PCDHA13: variants seen among roughly 807,000 people sequenced by gnomAD.
The protein encoded by PCDHA13 is protocadherin alpha 13.
In PCDHA13, 54 loss-of-function variants were observed where a neutral mutation model predicts 64.8. The ratio of observed to expected loss-of-function variants is 0.83; its 90% CI spans 0.67 to 1.04. The LOEUF (loss-of-function observed/expected upper bound fraction) is 1.04, where lower values mean the gene tolerates loss of function less well. Ranked by LOEUF, PCDHA13 falls within the 50% of genes least tolerant of loss-of-function variation. The pLI is 0.00. For synonymous variants in PCDHA13, 587 were observed against 564.4 expected (o/e 1.04, Z -0.57); for missense variants, 1,248 against 1,254.3 (o/e 0.99, Z 0.08).
chr5:140,940,774 G>T (rs1554213602), intron 1 of PCDHA13, among the ~76,000 whole-genome samples: 4 of 151,994 alleles, frequency 2.6e-5, no homozygotes, highest in African/African-American at 7.3e-5. Context: ...GACTTTTGAT[G>T]GTCCATATCC....
intron 1 of PCDHA13, chr5:140,966,271 T>C: frequency 2.8e-6 from 1 of 355,706 alleles, no homozygotes; most frequent in Non-Finnish European, 5.0e-6. Flanking sequence ...CTGGATGAAC[T>C]GGACAGTGGG....
At chr5:140,889,027 C>A (rs1004891593) in intron 1 of PCDHA13, among the ~76,000 whole-genome samples, 5 of 151,910 alleles carry the variant, frequency 3.3e-5, no homozygotes, top group African/African-American at 1.2e-4. Context: ...CCTTGGATAA[C>A]CGTAATTTGA....
chr5:140,884,173 C>T lies in PCDHA13; in HGVS notation c.1905C>T (p.Arg635=). The T allele has an allele frequency of 6.2e-7, 1 of 1,613,432 alleles. No individual in the cohort carries two copies. Among genetic ancestry groups the T allele is most frequent in the Non-Finnish European group, 8.5e-7 (1 of 1,179,736 alleles). The change falls in exon 1 of 4, where the codon CGC becomes CGT. Residue 635 remains arginine (R), a synonymous_variant. Coordinates refer to ENST00000289272, the MANE Select transcript of PCDHA13 (RefSeq NM_018904.3). ...GLYTGEISTT[R]PLDEVDAPHH... is the part of the protein sequence containing the mutation. ...ACACTGGCGAGATCAGCACGACGCGCCCTCTGGACGAGGTGGACGCGCCGC... is the reference window on the plus strand; with the variant it reads ...ACACTGGCGAGATCAGCACGACGCGTCCTCTGGACGAGGTGGACGCGCCGC...
Position 140,926,904 on chromosome 5 carries a change from T to G in PCDHA13, c.2394+42242T>G, listed in dbSNP as rs150445810. Reference sequence around the variant, plus strand: ...CGCCTAGAGGGAGGATGGTGGGCTGTGGGGTGGCAGTTTTATGTTTGTGGG... The same window carrying G: ...CGCCTAGAGGGAGGATGGTGGGCTGGGGGGTGGCAGTTTTATGTTTGTGGG... On this transcript the variant is annotated intron_variant, in intron 1 of 3. Transcript: ENST00000289272. 5,017 of 1,557,626 alleles carry G rather than the reference T, an allele frequency of 3.2e-3. 25 individuals carry two copies. Among genetic ancestry groups the G allele is most frequent in the African/African-American group, 0.019 (1,427 of 73,544 alleles).
In PCDHA13 at chr5:141,009,850, C is replaced by A; in HGVS notation, c.2766C>A (p.Thr922=). The A allele has an allele frequency of 1.2e-6, 2 of 1,613,572 alleles. No individual in the cohort carries two copies. Among genetic ancestry groups the A allele is most frequent in the Non-Finnish European group, 1.7e-6 (2 of 1,179,906 alleles). ...DFITFGKKEE[T]KKKKKKKKGN... ...TAACCTTCGGCAAAAAGGAGGAGAC[C>A]AAGAAAAAGAAGAAAAAGAAGAAGG... The change falls in exon 4 of 4, where the codon ACC becomes ACA. Residue 922 remains threonine (T), a synonymous_variant. Coordinates refer to ENST00000289272, the MANE Select transcript of PCDHA13 (RefSeq NM_018904.3).
At chr5:141,001,997 CA>C (rs1587968703) in intron 3 of PCDHA13, among the ~76,000 whole-genome samples, 1 of 152,190 alleles carries the variant, frequency 6.6e-6, no homozygotes, top group Admixed American at 6.5e-5. Flanking sequence ...AGTTCACTTG[CA>C]AACACAGAAT....
chr5:140,900,081 G>T (rs1306300563), intron 1 of PCDHA13, among the ~76,000 whole-genome samples: 1 of 152,062 alleles, frequency 6.6e-6, no homozygotes, highest in African/African-American at 2.4e-5. Context: ...AAGTGCTGCA[G>T]TTACAAGCAT....
At chr5:140,946,516 C>T (rs551838143) in intron 1 of PCDHA13, among the ~76,000 whole-genome samples, 42 of 151,130 alleles carry the variant, frequency 2.8e-4, no homozygotes, top group African/African-American at 8.3e-4. Flanking sequence ...AAGACCTATC[C>T]GCACTCCCAT....
chr5:140,897,446 T>G (rs2066114237), intron 1 of PCDHA13, among the ~76,000 whole-genome samples: 1 of 151,576 alleles, frequency 6.6e-6, no homozygotes, highest in South Asian at 2.1e-4. Context: ...GTGTTTGGTT[T>G]TTTGTCCTTG....
rs1554174531 is a variant in PCDHA13 at position 140,882,554 on chromosome 5, T to G, written c.286T>G (p.Cys96Gly). The change falls in exon 1 of 4, where the codon TGT becomes GGT. Residue 96 changes from cysteine (C) to glycine (G), a missense_variant. By Grantham distance (159) the Cys-to-Gly change is radical. Transcript: ENST00000289272. ...TTCTCGGATCGACCGCGAGGAGCTG[T>G]GTGGGCGGAGCGCGGAGTGCAGCAT... is the stretch of plus-strand genomic sequence containing the variant. ...VNSRIDREEL[C>G]GRSAECSIHL... 1.9e-6 allele frequency: 3 copies of G among 1,614,174 alleles called. No homozygotes were observed. The South Asian group carries it at 3.3e-5, about 18-fold the overall frequency.
At chr5:140,984,783 G>A (rs2097120793) in intron 3 of PCDHA13, among the ~76,000 whole-genome samples, 1 of 152,152 alleles carries the variant, frequency 6.6e-6, no homozygotes, top group African/African-American at 2.4e-5. Flanking sequence ...CTTGCTGGGT[G>A]AGCATAGACA....
At chr5:140,986,371 G>C (rs1453761888) in intron 3 of PCDHA13, among the ~76,000 whole-genome samples, 1 of 152,116 alleles carries the variant, frequency 6.6e-6, no homozygotes, top group Non-Finnish European at 1.5e-5. Flanking sequence ...AATGCGTTTT[G>C]GGGGGAGGGA....
chr5:140,962,796 A>T (rs1248367259), intron 1 of PCDHA13, among the ~76,000 whole-genome samples: 1 of 152,222 alleles, frequency 6.6e-6, no homozygotes, highest in Non-Finnish European at 1.5e-5. Flanking sequence ...ACTACTTTGG[A>T]CAACTCTAAA....
At chr5:140,928,388 C>T in intron 1 of PCDHA13, 1 of 1,614,012 alleles carries the variant, frequency 6.2e-7, no homozygotes, top group Non-Finnish European at 8.5e-7. Flanking sequence ...AGCTTGCTGG[C>T]AGTGGAATCA....
chr5:141,002,146 CT>C (rs2098061512), intron 3 of PCDHA13, among the ~76,000 whole-genome samples: 1 of 152,250 alleles, frequency 6.6e-6, no homozygotes, highest in Admixed American at 6.5e-5. Flanking sequence ...GCTGCACTGA[CT>C]TAGCAGAGTG....
chr5:140,889,814 CATA>C (rs1463937516), intron 1 of PCDHA13, among the ~76,000 whole-genome samples: 6 of 152,048 alleles, frequency 3.9e-5, no homozygotes, highest in Non-Finnish European at 7.4e-5. Context: ...GAAGTCAGGT[CATA>C]AGAAGTCTTA....
chr5:140,916,582 A>G (rs1191941149), intron 1 of PCDHA13, among the ~76,000 whole-genome samples: 7 of 152,188 alleles, frequency 4.6e-5, no homozygotes, highest in Non-Finnish European at 1.0e-4. Flanking sequence ...AATGTCATCC[A>G]TGAGCTAGGG....
At chr5:140,970,280 C>G (rs1445871505) in intron 1 of PCDHA13, among the ~76,000 whole-genome samples, 3 of 152,138 alleles carry the variant, frequency 2.0e-5, no homozygotes, top group East Asian at 1.9e-4. Flanking sequence ...TGTAAAGTAG[C>G]CTTTTCAAGT....
Position 140,883,905 on chromosome 5 carries a change from G to C in PCDHA13, c.1637G>C (p.Gly546Ala), listed in dbSNP as rs781818160. The C allele has an allele frequency of 6.2e-7, 1 of 1,613,458 alleles. No homozygotes were observed. Among genetic ancestry groups the C allele is most frequent in the South Asian group, 1.1e-5 (1 of 91,072 alleles). The change falls in exon 1 of 4, where the codon GGC (glycine) becomes GCC (alanine). Residue 546 changes from glycine to alanine, a missense_variant. Transcript: ENST00000289272. ...SARDSGVPPL[G>A]SNVTLQVFVL... The stretch of plus-strand genomic sequence containing the variant: ...CGCGACTCTGGCGTGCCGCCTCTGG[G>C]CAGCAACGTGACGCTGCAGGTGTTC...
Sources: gnomAD v4.1 joint callset for allele counts (sites outside exome capture counted in the v4.1 genomes callset) on GRCh38, gnomAD v4.1.1 for gene constraint, MANE v1.5 for transcripts, NCBI Gene and HGNC (gene_info 2026-07-23, HGNC 2026-07-21) for gene names.